Variants in DMBT1 observed in about 807,000 individuals in gnomAD.
DMBT1 encodes scavenger receptor cysteine-rich domain-containing protein DMBT1.
DMBT1 carries 198 observed loss-of-function variants against 252.9 expected under a neutral mutation model. That is an observed-to-expected ratio of 0.78 (90% CI 0.70 to 0.88). DMBT1 has a LOEUF of 0.88. Ranked by LOEUF, DMBT1 falls within the 40% of genes least tolerant of loss-of-function variation. DMBT1 has a pLI of 0.00. For synonymous variants in DMBT1, 990 were observed against 942.7 expected (o/e 1.05, Z -0.92); for missense variants, 2,432 against 2,404.7 (o/e 1.01, Z -0.24).
At chr10:122,634,287 C>G (rs1458485690) in intron 52 of DMBT1, among the ~76,000 whole-genome samples, 1 of 150,514 alleles carries the variant, frequency 6.6e-6, no homozygotes, top group Non-Finnish European at 1.5e-5. Context: ...GCTCTGCATC[C>G]AATCATAAGT....
intron 19 of DMBT1, 21 bp from the exon 20 acceptor site, chr10:122,592,251 G>A: frequency 6.3e-7 from 1 of 1,584,782 alleles, no homozygotes; most frequent in Middle Eastern, 2.1e-4. Flanking sequence ...ATGGATAAAG[G>A]GTTCTTGTGT....
intron 1 of DMBT1, among the ~76,000 whole-genome samples, chr10:122,565,605 T>C (rs1015490822): frequency 8.6e-5 from 7 of 81,796 alleles, no homozygotes; most frequent in Non-Finnish European, 1.7e-4. Flanking sequence ...TGAGTGGCTG[T>C]TGTCAATGCC....
chr10:122,571,005 T>C (rs2097658048), intron 4 of DMBT1, 68 bp downstream of exon 4: 13 of 1,552,350 alleles, frequency 8.4e-6, no homozygotes, highest in Non-Finnish European at 8.0e-6. Flanking sequence ...CATCTCTGAT[T>C]CAGACGAGGT....
intron 10 of DMBT1, among the ~76,000 whole-genome samples, chr10:122,580,522 G>A (rs1391245140): frequency 1.3e-5 from 2 of 152,194 alleles, no homozygotes; most frequent in African/African-American, 2.4e-5. Flanking sequence ...GCCTGTGATT[G>A]GGGCTTGAAG....
intron 25 of DMBT1, among the ~76,000 whole-genome samples, chr10:122,598,329 G>A (rs2097904505): frequency 6.6e-6 from 1 of 152,170 alleles, no homozygotes; most frequent in Admixed American, 6.5e-5. Flanking sequence ...CCCATGGGCT[G>A]CAGAGGTGTG....
At chr10:122,571,701 G>A (rs1316301386) in intron 4 of DMBT1, among the ~76,000 whole-genome samples, 1 of 152,122 alleles carries the variant, frequency 6.6e-6, no homozygotes, top group Middle Eastern at 3.2e-3. Flanking sequence ...CCCCAAAGAG[G>A]AGTTTCTGGT....
At chr10:122,643,037 T>A (rs1844849328) in intron 55 of DMBT1, 85 bp from the exon 56 acceptor site, 1 of 1,542,754 alleles carries the variant, frequency 6.5e-7, no homozygotes, top group African/African-American at 1.4e-5. Context: ...GAGGACAGGC[T>A]GTGGAGTTCC....
chr10:122,625,076 C>T (rs1201637909), intron 44 of DMBT1, among the ~76,000 whole-genome samples: 4 of 152,216 alleles, frequency 2.6e-5, no homozygotes, highest in African/African-American at 9.7e-5. Context: ...AGGGTTCAAT[C>T]TACTTTCAGG....
At position 122,642,006 on chromosome 10, in the gene DMBT1, C is replaced by T. The variant is rs192227097; in HGVS notation, c.7353-1116C>T. 2.6e-5 allele frequency among the ~76,000 whole-genome samples: 4 copies of T among 152,178 alleles called. No homozygotes were observed. The East Asian group carries it at 7.7e-4, about 29-fold the overall frequency. The stretch of plus-strand genomic sequence containing the variant: ...TGAGGTGGAGTCATGGCTGTGGCTT[C>T]GCTGTGGCATTCTGGTCTGCGTGGA... On this transcript the variant is annotated intron_variant, in intron 55 of 55. Transcript: ENST00000338354.
chr10:122,620,548 C>T (rs1187341596), intron 43 of DMBT1, among the ~76,000 whole-genome samples: 3 of 152,212 alleles, frequency 2.0e-5, no homozygotes, highest in Non-Finnish European at 4.4e-5. Context: ...AGGACAAGCC[C>T]TGGAGGGCTC....
intron 1 of DMBT1, among the ~76,000 whole-genome samples, chr10:122,562,496 C>A (rs563821881): frequency 6.6e-6 from 1 of 152,332 alleles, no homozygotes; most frequent in African/African-American, 2.4e-5. Flanking sequence ...GCATCCTCAT[C>A]CTGCCTCCAT....
intron 20 of DMBT1, among the ~76,000 whole-genome samples, chr10:122,593,009 T>A (rs1187144545): frequency 1.3e-5 from 2 of 148,756 alleles, no homozygotes; most frequent in Non-Finnish European, 1.5e-5. Context: ...AAGTGAGTTC[T>A]CAGCTGAGAC....
rs768752661 is a variant in DMBT1 at position 122,580,910 on chromosome 10, T to C, written c.1033+15T>C. On this transcript the variant is annotated intron_variant, in intron 11 of 55. Coordinates refer to ENST00000338354, the MANE Select transcript of DMBT1 (RefSeq NM_001377530.1). Reference sequence around the variant, plus strand: ...ACCCAGCCCAGGTAGGTCCCCAGTGTCCTTCCTCAAAATGTCCCTTCTCTT... The same window carrying C: ...ACCCAGCCCAGGTAGGTCCCCAGTGCCCTTCCTCAAAATGTCCCTTCTCTT... The C allele has an allele frequency of 3.1e-6, 5 of 1,613,724 alleles. No homozygotes were observed. The South Asian group carries it at 3.3e-5, about 11-fold the overall frequency.
rs1282518539 is a variant in DMBT1 at position 122,643,735 on chromosome 10, G to T, written c.*337G>T. On this transcript the variant is annotated 3_prime_UTR_variant, in exon 56 of 56. Transcript: ENST00000338354. Reference sequence around the variant, plus strand: ...TACATAAAGGAATTTTGGTGAAACTGCCTCAGCCTGTTCCTGGTGCAAGTC... The same window carrying T: ...TACATAAAGGAATTTTGGTGAAACTTCCTCAGCCTGTTCCTGGTGCAAGTC... The T allele has an allele frequency of 3.3e-6, 1 of 305,742 alleles. No homozygotes were observed. The highest frequency in any genetic ancestry group is 2.1e-5 in the African/African-American group (1 of 48,050). 18.9% of individuals were successfully genotyped at this position (305,742 alleles called of 1,614,324 possible). A position where few individuals can be genotyped will look rare whatever the true frequency, so the allele number is the denominator to read the frequency against.
At chr10:122,565,688 T>C (rs2133503759) in intron 1 of DMBT1, among the ~76,000 whole-genome samples, 1 of 152,350 alleles carries the variant, frequency 6.6e-6, no homozygotes, top group Non-Finnish European at 1.5e-5. Context: ...TTTCCAAGCA[T>C]AGATTACATC....
chr10:122,589,737 G>A (rs1178239623), intron 17 of DMBT1, among the ~76,000 whole-genome samples: 1 of 148,346 alleles, frequency 6.7e-6, no homozygotes, highest in Admixed American at 6.7e-5. Context: ...ACGTGGCAAG[G>A]GAGGAAGCAA....
In DMBT1 at chr10:122,589,350, C is replaced by G. The variant is rs572806412; in HGVS notation, c.2107+83C>G. Reference sequence around the variant, plus strand: ...GGTCTTATGTTCTAATCTCCTCACTCAGAGCTTTTTCAACCTTTCCTATGT... The same window carrying G: ...GGTCTTATGTTCTAATCTCCTCACTGAGAGCTTTTTCAACCTTTCCTATGT... On this transcript the variant is annotated intron_variant, in intron 17 of 55. Transcript: ENST00000338354. 28 of 1,553,054 alleles carry G rather than the reference C, an allele frequency of 1.8e-5. 4 individuals are homozygous for G. In the East Asian group the frequency reaches 6.4e-4, roughly 35 times the overall value.
chr10:122,594,195 T>C (rs2097880895), intron 21 of DMBT1, among the ~76,000 whole-genome samples: 1 of 141,318 alleles, frequency 7.1e-6, no homozygotes, highest in African/African-American at 2.5e-5. Context: ...AGCAATGGCG[T>C]CTGATGTCCT....
At chr10:122,638,515 C>T (rs532601914) in intron 54 of DMBT1, among the ~76,000 whole-genome samples, 5 of 152,338 alleles carry the variant, frequency 3.3e-5, no homozygotes, top group Admixed American at 2.0e-4. Context: ...CATCATAGCT[C>T]ACAGCAGACT....
Sources: gnomAD v4.1 joint callset for allele counts (sites outside exome capture counted in the v4.1 genomes callset) on GRCh38, gnomAD v4.1.1 for gene constraint, MANE v1.5 for transcripts, NCBI Gene and HGNC (gene_info 2026-07-23, HGNC 2026-07-21) for gene names.